The following FRMD4A variants were observed in gnomAD, a reference collection of about 807,000 sequenced individuals.
The protein encoded by FRMD4A is FERM domain containing 4A.
Under a neutral mutation model 129.1 loss-of-function variants are expected in FRMD4A, and 29 were observed. The observed-to-expected ratio is 0.22, with a 90% confidence interval of 0.17 to 0.31. The LOEUF (loss-of-function observed/expected upper bound fraction) is 0.31, where lower values mean the gene tolerates loss of function less well. Among genes scored for constraint, FRMD4A ranks in the 10% least tolerant of loss-of-function variants. FRMD4A has a pLI of 1.00. For synonymous variants in FRMD4A, 634 were observed against 571.6 expected (o/e 1.11, Z -1.56); for missense variants, 1,272 against 1,375.8 (o/e 0.92, Z 1.19).
chr10:14,020,606 T>C (rs1371609986), intron 2 of FRMD4A, among the ~76,000 whole-genome samples: 1 of 152,138 alleles, frequency 6.6e-6, no homozygotes, highest in Non-Finnish European at 1.5e-5. Flanking sequence ...TCAAACCCCA[T>C]GGGGCATCAG....
At chr10:14,002,966 G>T (rs1300052315) in intron 2 of FRMD4A, among the ~76,000 whole-genome samples, 1 of 152,186 alleles carries the variant, frequency 6.6e-6, no homozygotes, top group Admixed American at 6.5e-5. Flanking sequence ...GTAAAGCATG[G>T]GAAGAGGTGA....
At chr10:13,652,057 A>G (rs2081660271) in intron 23 of FRMD4A, 83 bp from the exon 24 acceptor site, 1 of 806,688 alleles carries the variant, frequency 1.2e-6, no homozygotes, top group Non-Finnish European at 2.3e-6. Flanking sequence ...CACGATTAGT[A>G]GCTTATTAAT....
intron 2 of FRMD4A, among the ~76,000 whole-genome samples, chr10:14,152,860 AGAG>A (rs1182227840): frequency 6.6e-6 from 1 of 152,094 alleles, no homozygotes; most frequent in Non-Finnish European, 1.5e-5. Flanking sequence ...AAAAAAATGC[AGAG>A]AAGAGAGACT....
chr10:14,035,544 T>G (rs571275655), intron 2 of FRMD4A, among the ~76,000 whole-genome samples: 1 of 151,956 alleles, frequency 6.6e-6, no homozygotes, highest in Non-Finnish European at 1.5e-5. Flanking sequence ...GATAAAAATA[T>G]TGGGTTTTAA....
chr10:13,753,115 T>C (rs2130662077), intron 8 of FRMD4A, among the ~76,000 whole-genome samples: 1 of 152,358 alleles, frequency 6.6e-6, no homozygotes, highest in South Asian at 2.1e-4. Context: ...GACAGATTAA[T>C]GAGGGAAGTT....
intron 2 of FRMD4A, among the ~76,000 whole-genome samples, chr10:14,304,436 C>CT (rs1471659737): frequency 6.6e-6 from 1 of 152,172 alleles, no homozygotes; most frequent in Non-Finnish European, 1.5e-5. Flanking sequence ...ACATCTCACT[C>CT]TTGGCTTTAT....
chr10:13,981,765 AAG>A (rs1314470565), intron 2 of FRMD4A, among the ~76,000 whole-genome samples: 13 of 144,184 alleles, frequency 9.0e-5, no homozygotes, highest in African/African-American at 3.3e-4. Flanking sequence ...AAAAAAAAAA[AAG>A]GGAGGCCAAA....
intron 2 of FRMD4A, among the ~76,000 whole-genome samples, chr10:14,316,135 A>G (rs368067570): frequency 4.6e-5 from 7 of 152,232 alleles, no homozygotes; most frequent in East Asian, 3.8e-4. Context: ...TGATCCAAGC[A>G]TAGTGATTCC....
intron 17 of FRMD4A, among the ~76,000 whole-genome samples, chr10:13,666,848 T>G (rs552391573): frequency 2.6e-5 from 4 of 152,132 alleles, no homozygotes; most frequent in African/African-American, 9.6e-5. Flanking sequence ...CTGACTCACA[T>G]ATCTTGTCTT....
chr10:13,951,542 T>C (rs917275116), intron 2 of FRMD4A, among the ~76,000 whole-genome samples: 1 of 152,028 alleles, frequency 6.6e-6, no homozygotes, highest in Admixed American at 6.6e-5. Context: ...CCAGCCACAT[T>C]TCGGGGAGTT....
At chr10:14,045,942 A>G (rs1377939948) in intron 2 of FRMD4A, among the ~76,000 whole-genome samples, 2 of 148,194 alleles carry the variant, frequency 1.3e-5, no homozygotes, top group Admixed American at 6.8e-5. Flanking sequence ...TACATATTCA[A>G]TTTTATACAT....
intron 2 of FRMD4A, among the ~76,000 whole-genome samples, chr10:13,968,508 A>C (rs1192813573): frequency 6.6e-6 from 1 of 152,218 alleles, no homozygotes; most frequent in Non-Finnish European, 1.5e-5. Context: ...GCTGGAGCGC[A>C]ATGGTGCGAT....
intron 2 of FRMD4A, among the ~76,000 whole-genome samples, chr10:14,042,985 C>T (rs1194593296): frequency 1.4e-5 from 2 of 146,588 alleles, no homozygotes; most frequent in African/African-American, 5.0e-5. Flanking sequence ...GTACTGAATT[C>T]TCCCTGGTGC....
chr10:13,983,375 C>A (rs1402802068), intron 2 of FRMD4A, among the ~76,000 whole-genome samples: 7 of 151,998 alleles, frequency 4.6e-5, no homozygotes, highest in African/African-American at 1.7e-4. Context: ...AAGAGCAATG[C>A]CCTTTAACGC....
intron 2 of FRMD4A, among the ~76,000 whole-genome samples, chr10:14,281,788 CA>C: frequency 6.6e-6 from 1 of 152,314 alleles, no homozygotes; most frequent in East Asian, 1.9e-4. Flanking sequence ...CCTTCTGAGC[CA>C]AAACCACCTT....
At chr10:14,328,372 G>GTGT (rs1564468492) in intron 2 of FRMD4A, among the ~76,000 whole-genome samples, 5 of 124,358 alleles carry the variant, frequency 4.0e-5, no homozygotes, top group East Asian at 2.4e-4. Flanking sequence ...GTGTGGGTGG[G>GTGT]GGGGGGGGGT....
intron 2 of FRMD4A, among the ~76,000 whole-genome samples, chr10:14,204,199 G>A (rs2131944570): frequency 6.6e-6 from 1 of 152,162 alleles, no homozygotes; most frequent in Non-Finnish European, 1.5e-5. Flanking sequence ...CGAGGTGGGA[G>A]GATTGCTTGA....
intron 15 of FRMD4A, among the ~76,000 whole-genome samples, chr10:13,675,430 C>G (rs140664507): frequency 0.013 from 1,977 of 152,328 alleles, 27 homozygotes; most frequent in Middle Eastern, 0.071. Context: ...TTGAGACAGT[C>G]TCACTCTGTC....
chr10:14,027,489 G>A (rs952053440), intron 2 of FRMD4A, among the ~76,000 whole-genome samples: 2 of 152,212 alleles, frequency 1.3e-5, no homozygotes, highest in Non-Finnish European at 2.9e-5. Flanking sequence ...GGTGGCATGT[G>A]CCTGTAATCC....
Sources: allele counts gnomAD v4.1 joint callset (sites outside exome capture counted in the v4.1 genomes callset), GRCh38; gene constraint gnomAD v4.1.1; transcripts MANE v1.5; gene names NCBI Gene and HGNC (gene_info 2026-07-23, HGNC 2026-07-21).